The following PTPRE variants were observed in gnomAD, a reference collection of about 807,000 sequenced individuals.
The protein encoded by PTPRE is receptor-type tyrosine-protein phosphatase epsilon.
Under a neutral mutation model 102.0 loss-of-function variants are expected in PTPRE, and 51 were observed. The ratio of observed to expected loss-of-function variants is 0.50; its 90% CI spans 0.40 to 0.63. PTPRE has a LOEUF of 0.63. PTPRE is among the 30% of genes least tolerant of loss of function. The pLI, the probability that PTPRE is intolerant of heterozygous loss-of-function variation, is 0.00. For missense variants in PTPRE, 752 were observed against 915.1 expected, an observed-to-expected ratio of 0.82 and a Z score of 2.30; for synonymous variants, 345 against 348.2, an observed-to-expected ratio of 0.99 and a Z score of 0.10.
At chr10:127,969,740 G>A (rs755334977) in intron 1 of PTPRE, among the ~76,000 whole-genome samples, 39 of 152,052 alleles carry the variant, frequency 2.6e-4, no homozygotes, top group Middle Eastern at 6.8e-3. Context: ...CATATCACAC[G>A]TAAAGGAGAC....
At chr10:128,058,412 C>G (rs529040980) in intron 7 of PTPRE, among the ~76,000 whole-genome samples, 2 of 152,354 alleles carry the variant, frequency 1.3e-5, no homozygotes, top group African/African-American at 4.8e-5. Context: ...TCTAGATTCC[C>G]CTGTAAGATC....
chr10:127,983,204 C>A (rs1444222461), intron 2 of PTPRE, among the ~76,000 whole-genome samples: 2 of 152,114 alleles, frequency 1.3e-5, no homozygotes, highest in Non-Finnish European at 1.5e-5. Flanking sequence ...TGCTTATGGT[C>A]GTTCTTGGTG....
rs561958356 is a variant in PTPRE, at chr10:127,944,656, G to T, written c.-31+37347G>T. On this transcript the variant is annotated intron_variant, in intron 1 of 20. Transcript: ENST00000254667. This position sits in a 1 kb window ranked among gnomAD's most constrained non-coding sequence, Gnocchi z 4.2. Reference sequence around the variant, plus strand: ...ATAAGGATTTTGCACATAATAGAAGGTCATTTGAGGAGATTGAGCAGGAGA... The same window carrying T: ...ATAAGGATTTTGCACATAATAGAAGTTCATTTGAGGAGATTGAGCAGGAGA... Among the ~76,000 whole-genome samples the T allele has an allele frequency of 2.8e-4, 42 of 152,254 alleles. No individual in the cohort carries two copies. Among genetic ancestry groups the T allele is most frequent in the African/African-American group, 9.6e-4 (40 of 41,546 alleles).
intron 1 of PTPRE, among the ~76,000 whole-genome samples, chr10:127,946,905 G>A (rs954626860): frequency 2.6e-5 from 4 of 151,848 alleles, no homozygotes; most frequent in Non-Finnish European, 5.9e-5. Flanking sequence ...GCTTGTGACT[G>A]TAGTCCTAGC....
At chr10:127,917,060 G>A (rs764167994) in intron 1 of PTPRE, among the ~76,000 whole-genome samples, 2 of 151,912 alleles carry the variant, frequency 1.3e-5, no homozygotes, top group Admixed American at 6.6e-5. Context: ...TGGAGGTGAC[G>A]GGGGAAACCG....
At chr10:127,920,793 T>C (rs1347089168) in intron 1 of PTPRE, among the ~76,000 whole-genome samples, 4 of 152,256 alleles carry the variant, frequency 2.6e-5, no homozygotes, top group African/African-American at 7.2e-5. Context: ...AAAGCTCAGG[T>C]ACAACTGGAT....
intron 1 of PTPRE, among the ~76,000 whole-genome samples, chr10:127,933,898 A>C (rs1409875100): frequency 1.3e-5 from 2 of 152,168 alleles, no homozygotes; most frequent in African/African-American, 2.4e-5. Context: ...CCTAATGGGC[A>C]TGATAATCCT....
chr10:128,038,173 C>G (rs565274679), intron 2 of PTPRE, among the ~76,000 whole-genome samples: 121 of 151,776 alleles, frequency 8.0e-4, no homozygotes, highest in African/African-American at 2.8e-3. Flanking sequence ...GTCACTTATG[C>G]AAGCCCACTG....
At chr10:128,066,738 GAT>G (rs1421047395) in intron 11 of PTPRE, among the ~76,000 whole-genome samples, 4 of 152,218 alleles carry the variant, frequency 2.6e-5, no homozygotes, top group African/African-American at 7.2e-5. Flanking sequence ...AGGATTTAAA[GAT>G]ACAGTCATTG....
In PTPRE at chr10:128,025,258, T is replaced by C. The variant is rs532183626; in HGVS notation, c.-7-15617T>C. 2.0e-5 allele frequency among the ~76,000 whole-genome samples: 3 copies of C among 152,184 alleles called. No individual in the cohort carries two copies. In the East Asian group the frequency reaches 5.8e-4, roughly 29 times the overall value. ...ATAATGGATTTTTTAAATTCTTTTA[T>C]GACAAATTGCCACTTGCTGTTACTC... On this transcript the variant is annotated intron_variant, in intron 2 of 20. Coordinates refer to ENST00000254667, the MANE Select transcript of PTPRE (RefSeq NM_006504.6).
At chr10:128,050,342 T>TGGAG in intron 6 of PTPRE, among the ~76,000 whole-genome samples, 1 of 95,760 alleles carries the variant, frequency 1.0e-5, no homozygotes, top group Non-Finnish European at 2.3e-5. Context: ...GATGGATGGA[T>TGGAG]GGATGGATGG....
At chr10:127,954,788 A>G (rs1052730778) in intron 1 of PTPRE, among the ~76,000 whole-genome samples, 14 of 152,112 alleles carry the variant, frequency 9.2e-5, no homozygotes, top group African/African-American at 2.9e-4. Flanking sequence ...ATCAAGGGTC[A>G]GGAATGGAAA....
chr10:128,066,317 G>A (rs995951759), intron 11 of PTPRE, 123 bp downstream of exon 11: 2 of 1,476,344 alleles, frequency 1.4e-6, no homozygotes, highest in African/African-American at 1.4e-5. Context: ...CGCAGCCCTG[G>A]CTGAGAGGGT....
At chr10:127,946,392 T>TTGTGGGTACAGGG (rs1393093121) in intron 1 of PTPRE, among the ~76,000 whole-genome samples, 7 of 114,802 alleles carry the variant, frequency 6.1e-5, no homozygotes, top group Admixed American at 3.9e-4. Flanking sequence ...AGGATATATA[T>TTGTGGGTACAGGG]ACAAGGATGT....
chr10:127,966,200 G>A (rs979821814), intron 1 of PTPRE, among the ~76,000 whole-genome samples: 9 of 152,180 alleles, frequency 5.9e-5, no homozygotes, highest in African/African-American at 2.2e-4. Context: ...GGTCAGTGTG[G>A]TTTTCTGCCT....
intron 1 of PTPRE, among the ~76,000 whole-genome samples, chr10:127,973,323 T>C (rs562033466): frequency 6.6e-6 from 1 of 152,324 alleles, no homozygotes; most frequent in African/African-American, 2.4e-5. Flanking sequence ...CCTTTTATTA[T>C]GAGCTCTATT....
At chr10:128,030,148 G>A (rs1233351179) in intron 2 of PTPRE, among the ~76,000 whole-genome samples, 1 of 152,238 alleles carries the variant, frequency 6.6e-6, no homozygotes, top group Non-Finnish European at 1.5e-5. Flanking sequence ...CTTGGTGGCA[G>A]AGACCGTGTC....
Position 128,070,462 on chromosome 10 carries a change from T to A in PTPRE, c.1293+12T>A. The A allele has an allele frequency of 2.5e-6, 4 of 1,610,860 alleles. No individual in the cohort carries two copies. The South Asian group carries it at 3.3e-5, about 13-fold the overall frequency. Reference sequence around the variant, plus strand: ...AGGAGGAGTTCAGGGTGAGTACAGCTGACCCTCCTCTCCATCCTGGTGTAA... The same window carrying A: ...AGGAGGAGTTCAGGGTGAGTACAGCAGACCCTCCTCTCCATCCTGGTGTAA... On this transcript the variant is annotated intron_variant, in intron 14 of 20. Transcript: ENST00000254667. The surrounding 1 kb of genome is among the most constrained non-coding windows in gnomAD (Gnocchi z 4.8).
At chr10:128,035,934 C>T (rs1447655982) in intron 2 of PTPRE, among the ~76,000 whole-genome samples, 4 of 152,148 alleles carry the variant, frequency 2.6e-5, no homozygotes, top group Non-Finnish European at 2.9e-5. Flanking sequence ...CTGGTTGAGA[C>T]GTCCAAAACC....
Sources: gnomAD v4.1 joint callset for allele counts (sites outside exome capture counted in the v4.1 genomes callset) on GRCh38, gnomAD v4.1.1 for gene constraint, Gnocchi (gnomAD v3.1) non-coding constraint, MANE v1.5 for transcripts, NCBI Gene and HGNC (gene_info 2026-07-23, HGNC 2026-07-21) for gene names.